Variants in FCHO1 observed in about 807,000 individuals in gnomAD.
The protein encoded by FCHO1 is F-BAR domain only protein 1.
FCHO1 carries 45 observed loss-of-function variants against 114.4 expected under a neutral mutation model. The ratio of observed to expected loss-of-function variants is 0.39; its 90% confidence interval spans 0.31 to 0.50. The LOEUF (loss-of-function observed/expected upper bound fraction) is 0.50. Among genes scored for constraint, FCHO1 ranks in the 20% least tolerant of loss-of-function variants. The probability of loss-of-function intolerance (pLI) is 0.77; values close to 1 mark genes in which losing one functional copy is unlikely to be tolerated. For synonymous variants in FCHO1, 480 were observed against 488.9 expected, an observed-to-expected ratio of 0.98 and a Z score of 0.24; for missense variants, 1,042 against 1,209.6, an observed-to-expected ratio of 0.86 and a Z score of 2.06.
At position 17,762,765 on chromosome 19, in the gene FCHO1, G is replaced by A. The variant is rs1350972636; in HGVS notation, c.31G>A (p.Glu11Lys). MSYFGEHFWG[E>K]KNHGFEVLYH... The stretch of plus-strand genomic sequence containing the variant: ...TCTCTATTCCCATCCCCTGCAGGGC[G>A]AGAAAAATCATGGCTTTGAGGTCCT... The change falls in exon 5 of 29, where the codon GAG (glutamate) becomes AAG (lysine). Residue 11 changes from glutamate (E) to lysine (K), a missense_variant. By Grantham distance (56) the Glu-to-Lys change is moderately conservative. Coordinates refer to ENST00000596536, the MANE Select transcript of FCHO1 (RefSeq NM_015122.3). 6.2e-6 allele frequency: 10 copies of A among 1,612,296 alleles called. No homozygotes were observed. Among genetic ancestry groups the A allele is most frequent in the Non-Finnish European group, 8.5e-6 (10 of 1,178,500 alleles).
At chr19:17,778,483 C>A in intron 19 of FCHO1, 126 bp from the exon 20 acceptor site, 1 of 1,070,874 alleles carries the variant, frequency 9.3e-7, no homozygotes, top group Non-Finnish European at 1.3e-6. Context: ...GCCTTGGGGG[C>A]GTGCACAAGG....
chr19:17,788,253 ACCCCTC>A, intron 28 of FCHO1, 25 bp from the exon 29 acceptor site: 1 of 346,778 alleles, frequency 2.9e-6, no homozygotes, highest in Non-Finnish European at 5.5e-6. Flanking sequence ...CCTCCTCCCC[ACCCCTC>A]CCCCTCACAG....
intron 20 of FCHO1, 28 bp from the exon 21 acceptor site, chr19:17,781,203 A>G (rs764461547): frequency 6.5e-6 from 10 of 1,544,878 alleles, no homozygotes; most frequent in Non-Finnish European, 8.9e-6. Context: ...GCAGCATCTC[A>G]GCAGTGCCTC....
chr19:17,783,961 C>G, intron 24 of FCHO1, 142 bp from the exon 25 acceptor site: 1 of 1,001,134 alleles, frequency 1.0e-6, no homozygotes, highest in Non-Finnish European at 1.5e-6. Context: ...CTTTACTGCC[C>G]GCACCACAAC....
intron 7 of FCHO1, among the ~76,000 whole-genome samples, chr19:17,768,236 T>G (rs1444039588): frequency 6.6e-6 from 1 of 152,076 alleles, no homozygotes; most frequent in Non-Finnish European, 1.5e-5. Flanking sequence ...GCCTGGCTAA[T>G]TTTTTGTATT....
chr19:17,762,704 C>G lies in FCHO1; in HGVS notation c.28-58C>G, dbSNP rs567621749. The stretch of plus-strand genomic sequence containing the variant: ...CTGCTCCTTGGCCACGCCCCCGTTG[C>G]TAAGCAACTATGATGTTCTCTCCAT... On this transcript the variant is annotated intron_variant, in intron 4 of 28. Transcript: ENST00000596536. 16 of 1,322,270 alleles carry G rather than the reference C, an allele frequency of 1.2e-5. No individual in the cohort carries two copies. The African/African-American group carries it at 1.7e-4, about 14-fold the overall frequency. The allele number at this position is 1,322,270 out of a possible 1,614,324, so 81.9% of individuals were successfully genotyped here.
rs773539384 is a variant in FCHO1, at chr19:17,755,208, T to C, written c.27+17T>C. Reference sequence around the variant, plus strand: ...CATTTTTGGGTAAGACCCACTCTTATTTAGGCGGGGGATGCTGGCAGGGCT... The same window carrying C: ...CATTTTTGGGTAAGACCCACTCTTACTTAGGCGGGGGATGCTGGCAGGGCT... On this transcript the variant is annotated intron_variant, in intron 4 of 28. Transcript: ENST00000596536. 3.7e-6 allele frequency: 6 copies of C among 1,600,904 alleles called. No individual in the cohort carries two copies. The East Asian group carries it at 9.0e-5, about 24-fold the overall frequency.
intron 9 of FCHO1, among the ~76,000 whole-genome samples, chr19:17,771,726 A>C (rs2091626146): frequency 6.6e-6 from 1 of 152,240 alleles, no homozygotes; most frequent in African/African-American, 2.4e-5. Flanking sequence ...AGCTCAGGGA[A>C]CTGTAAAGTT....
rs747601734 is a variant in FCHO1, at chr19:17,784,865, G to T, written c.2367G>T (p.Gln789His). ...TGCCCACACCACTCACGAACGTCCA[G>T]ATCCTGCTGCCTGTGGGGGAGCCTG... Reference protein sequence around the residue: ...TAVPTPLTNVQILLPVGEPVT... With the variant: ...TAVPTPLTNVHILLPVGEPVT... Residue 789 changes from glutamine to histidine, a missense_variant, in exon 26 of 29, where the codon CAG becomes CAT. Around this residue, in one of 3 missense-constraint regions of FCHO1, gnomAD observed 137 missense variants for 190.0 expected, o/e 0.72. Coordinates refer to ENST00000596536, the MANE Select transcript of FCHO1 (RefSeq NM_015122.3). This position sits in a 1 kb window ranked among gnomAD's most constrained non-coding sequence, Gnocchi z 5.3. 1 of 1,613,702 alleles carries T rather than the reference G, an allele frequency of 6.2e-7. No individual in the cohort carries two copies.
chr19:17,784,680 G>A lies in FCHO1; in HGVS notation c.2227-45G>A, dbSNP rs1233547899. The A allele has an allele frequency of 6.3e-7, 1 of 1,589,136 alleles. No homozygotes were observed. The highest frequency in any genetic ancestry group is 1.7e-5 in the Admixed American group (1 of 59,974). On this transcript the variant is annotated intron_variant, in intron 25 of 28. Coordinates refer to ENST00000596536, the MANE Select transcript of FCHO1 (RefSeq NM_015122.3). The surrounding 1 kb of genome is among the most constrained non-coding windows in gnomAD (Gnocchi z 5.3). ...GAATAGCGCATGGTGTGGCAAGACA[G>A]GATGGCCCAAGCTGTGTCCTCTCTC...
At chr19:17,766,632 C>T (rs367624439) in intron 6 of FCHO1, 37 bp from the exon 7 acceptor site, 92 of 1,612,306 alleles carry the variant, frequency 5.7e-5, no homozygotes, top group Non-Finnish European at 7.7e-5. Flanking sequence ...GTGGGGTGAG[C>T]CTGATGAACC....
rs768068534 is a variant in FCHO1, at chr19:17,776,168, C to G, written c.1182+7C>G. The G allele has an allele frequency of 1.9e-6, 3 of 1,613,890 alleles. No homozygotes were observed. Among genetic ancestry groups the G allele is most frequent in the Middle Eastern group, 1.6e-4 (1 of 6,062 alleles). ...CCTTCCTCCTGGCCCAGGGGTGAGG[C>G]GTGGGAGGGGTGCCCTGGGTGTTGC... On this transcript the variant is annotated splice_region_variant and intron_variant, in intron 16 of 28. Coordinates refer to ENST00000596536, the MANE Select transcript of FCHO1 (RefSeq NM_015122.3). The surrounding 1 kb of genome is among the most constrained non-coding windows in gnomAD (Gnocchi z 4.4).
At chr19:17,778,418 G>A in intron 19 of FCHO1, 190 bp downstream of exon 19, 1 of 786,116 alleles carries the variant, frequency 1.3e-6, no homozygotes, top group African/African-American at 1.7e-5. Context: ...CCAGTGGGCG[G>A]TGACTGAGTG....
At chr19:17,773,899 CTCTCT>C (rs1487696921) in intron 11 of FCHO1, among the ~76,000 whole-genome samples, 6 of 62,962 alleles carry the variant, frequency 9.5e-5, no homozygotes, top group Non-Finnish European at 2.0e-4. Context: ...CTCTCTCTCT[CTCTCT>C]TTTTTTTTTT....
rs761492189 is a variant in FCHO1, at chr19:17,787,683, T to G, written c.2484T>G (p.Gly828=). The G allele has an allele frequency of 2.6e-6, 4 of 1,554,406 alleles. No individual in the cohort carries two copies. In the African/African-American group the frequency reaches 5.4e-5, roughly 21 times the overall value. ...WRLPDVSEAG[G]SGRLSASWEP... ...GCAGCTGACTGCAGGTCTCCCCAGG[T>G]TCTGGCCGCCTCTCTGCCAGCTGGG... is the stretch of plus-strand genomic sequence containing the variant. Residue 828 remains glycine, a splice_region_variant and synonymous_variant, in exon 28 of 29, where the codon GGT becomes GGG. Transcript: ENST00000596536.
At chr19:17,773,764 G>T (rs4808688) in intron 11 of FCHO1, among the ~76,000 whole-genome samples, 72,286 of 151,888 alleles carry the variant, frequency 0.48, 17,950 homozygotes, top group East Asian at 0.76. Context: ...CACTTCTGAT[G>T]ATGTGGGGCT....
At chr19:17,769,436 C>T (rs1053607921) in intron 7 of FCHO1, among the ~76,000 whole-genome samples, 3 of 151,450 alleles carry the variant, frequency 2.0e-5, no homozygotes, top group Admixed American at 1.3e-4. Context: ...AAAAATTAGC[C>T]GGGCGTGGTG....
chr19:17,748,505 C>CT (rs1275557134), upstream of FCHO1, among the ~76,000 whole-genome samples: 1 of 120,058 alleles, frequency 8.3e-6, no homozygotes, highest in East Asian at 2.0e-4. Context: ...GGAGCCTGGA[C>CT]TTGGGGGGGG....
In FCHO1 at chr19:17,781,309, T is replaced by G. The variant is rs1599760862; in HGVS notation, c.1706T>G (p.Val569Gly). ...CCCAGGAGACTTCGCTCTAGGAAGGTGTCCTGCCCTCTCACACGTAGCAAT... is the reference window on the plus strand; with the variant it reads ...CCCAGGAGACTTCGCTCTAGGAAGGGGTCCTGCCCTCTCACACGTAGCAAT... ...APPRRLRSRK[V>G]SCPLTRSNGD... The change falls in exon 21 of 29, where the codon GTG (valine) becomes GGG (glycine). Residue 569 changes from valine to glycine, a missense_variant. Physicochemically the swap from Val to Gly is moderately radical, Grantham distance 109 (BLOSUM62 -3). Coordinates refer to ENST00000596536, the MANE Select transcript of FCHO1 (RefSeq NM_015122.3). 6.2e-7 allele frequency: 1 copy of G among 1,613,976 alleles called. No homozygotes were observed. The highest frequency in any genetic ancestry group is 8.5e-7 in the Non-Finnish European group (1 of 1,179,934).
Sources: gnomAD v4.1 joint callset for allele counts (sites outside exome capture counted in the v4.1 genomes callset) on GRCh38, gnomAD v4.1.1 for gene constraint, gnomAD v4.1.1 regional missense constraint, Gnocchi (gnomAD v3.1) non-coding constraint, MANE v1.5 for transcripts, NCBI Gene and HGNC (gene_info 2026-07-23, HGNC 2026-07-21) for gene names.